Variants in CFAP221 observed in about 807,000 individuals in gnomAD.
CFAP221 encodes the protein cilia and flagella associated protein 221.
A neutral mutation model predicts 113.1 loss-of-function variants in CFAP221; 97 were observed. The ratio of observed to expected loss-of-function variants is 0.86; its 90% CI spans 0.73 to 1.02. CFAP221 has a LOEUF of 1.02. Ranked by LOEUF, CFAP221 falls within the 50% of genes least tolerant of loss-of-function variation. The pLI is 0.00. For synonymous variants in CFAP221, 331 were observed against 354.4 expected, an observed-to-expected ratio of 0.93 and a Z score of 0.74; for missense variants, 1,025 against 1,013.4, an observed-to-expected ratio of 1.01 and a Z score of -0.16.
chr2:119,638,829 T>C (rs756407876), intron 20 of CFAP221, among the ~76,000 whole-genome samples: 9 of 151,406 alleles, frequency 5.9e-5, no homozygotes, highest in Non-Finnish European at 8.8e-5. Context: ...AGGAATTACT[T>C]CCCCCCCAGG....
intron 8 of CFAP221, chr2:119,602,626 G>A (rs1684444966): frequency 2.0e-6 from 2 of 985,146 alleles, no homozygotes; most frequent in Admixed American, 6.2e-5. Context: ...AGCAGCCTAA[G>A]TCAACTGTAG....
chr2:119,632,512 A>G (rs778668031), intron 19 of CFAP221, among the ~76,000 whole-genome samples: 25 of 152,294 alleles, frequency 1.6e-4, no homozygotes, highest in South Asian at 4.2e-4. Flanking sequence ...ATCTATTTAA[A>G]ACCTAGAGCC....
At chr2:119,637,291 C>T (rs1224147344) in intron 19 of CFAP221, among the ~76,000 whole-genome samples, 1 of 152,200 alleles carries the variant, frequency 6.6e-6, no homozygotes, top group Non-Finnish European at 1.5e-5. Flanking sequence ...GGCATAGCAG[C>T]CTCTGCACCA....
intron 2 of CFAP221, 91 bp downstream of exon 2, chr2:119,546,361 T>G: frequency 7.5e-7 from 1 of 1,340,820 alleles, no homozygotes; most frequent in South Asian, 1.5e-5. Flanking sequence ...TTAGTGCTGA[T>G]TTATCTATAT....
chr2:119,606,568 A>G (rs984705085), intron 11 of CFAP221, among the ~76,000 whole-genome samples: 44 of 152,150 alleles, frequency 2.9e-4, no homozygotes, highest in African/African-American at 8.9e-4. Flanking sequence ...ATGTTTATAA[A>G]CACCTTTTCC....
intron 8 of CFAP221, chr2:119,602,830 T>C (rs1684458406): frequency 1.0e-6 from 1 of 957,714 alleles, no homozygotes; most frequent in Non-Finnish European, 1.2e-6. Flanking sequence ...CTTAAAGACA[T>C]AACATGAGTG....
intron 6 of CFAP221, among the ~76,000 whole-genome samples, chr2:119,570,392 A>G (rs1681958838): frequency 6.6e-6 from 1 of 152,222 alleles, no homozygotes; most frequent in South Asian, 2.1e-4. Flanking sequence ...TTCAGGTATA[A>G]TTCACATATG....
chr2:119,635,851 A>G (rs1455826830), intron 19 of CFAP221, among the ~76,000 whole-genome samples: 1 of 152,162 alleles, frequency 6.6e-6, no homozygotes, highest in Non-Finnish European at 1.5e-5. Flanking sequence ...AGAGGTGTCT[A>G]GGAAAGGGTA....
At chr2:119,597,810 A>G (rs921930737) in intron 7 of CFAP221, among the ~76,000 whole-genome samples, 2 of 152,176 alleles carry the variant, frequency 1.3e-5, no homozygotes, top group Admixed American at 1.3e-4. Flanking sequence ...GTGACCCCCA[A>G]TCAGAGGCTG....
chr2:119,612,142 A>G (rs990105647), intron 13 of CFAP221, among the ~76,000 whole-genome samples: 7 of 152,226 alleles, frequency 4.6e-5, no homozygotes, highest in South Asian at 2.1e-4. Context: ...TTACAACTCT[A>G]TGACAGATTT....
Position 119,604,762 on chromosome 2 carries a change from G to A in CFAP221, c.882G>A (p.Pro294=), listed in dbSNP as rs199787472. Residue 294 remains proline (P), a synonymous_variant, in exon 9 of 24, where the codon CCG becomes CCA. Transcript: ENST00000413369. Reference sequence around the variant, plus strand: ...TGATGCATATAAATTTTCACCGACCGCCAGCGAAGCCGAAGCCTCAGAAGG... The same window carrying A: ...TGATGCATATAAATTTTCACCGACCACCAGCGAAGCCGAAGCCTCAGAAGG... ...KAMMHINFHR[P]PAKPKPQKVK... 6.0e-5 allele frequency: 92 copies of A among 1,541,986 alleles called. No individual in the cohort carries two copies. The highest frequency in any genetic ancestry group is 1.1e-4 in the Admixed American group (5 of 44,550).
At chr2:119,646,187 G>A (rs999567751) in intron 21 of CFAP221, among the ~76,000 whole-genome samples, 1 of 152,200 alleles carries the variant, frequency 6.6e-6, no homozygotes, top group Non-Finnish European at 1.5e-5. Context: ...CTAAGAAGGA[G>A]TATAAAGGTG....
intron 11 of CFAP221, among the ~76,000 whole-genome samples, chr2:119,605,507 A>T (rs1684675820): frequency 6.6e-6 from 1 of 152,226 alleles, no homozygotes; most frequent in Admixed American, 6.5e-5. Context: ...CAGTGGCAGG[A>T]CCAGAGTGAA....
intron 6 of CFAP221, among the ~76,000 whole-genome samples, chr2:119,585,939 C>T (rs1683192577): frequency 6.6e-6 from 1 of 152,102 alleles, no homozygotes; most frequent in Admixed American, 6.5e-5. Context: ...TGGGTCCTGC[C>T]CAGAAGGTAG....
chr2:119,644,706 AACAT>A (rs779621327), intron 21 of CFAP221, among the ~76,000 whole-genome samples: 1 of 152,212 alleles, frequency 6.6e-6, no homozygotes, highest in Non-Finnish European at 1.5e-5. Flanking sequence ...AGATATATGC[AACAT>A]ACATATATAT....
At chr2:119,639,545 G>A (rs548707926) in intron 20 of CFAP221, among the ~76,000 whole-genome samples, 2 of 152,368 alleles carry the variant, frequency 1.3e-5, no homozygotes, top group Admixed American at 1.3e-4. Flanking sequence ...GCTTGTGCAA[G>A]TGCCTAATGA....
chr2:119,642,729 A>G (rs1295428902), intron 21 of CFAP221, among the ~76,000 whole-genome samples: 1 of 151,860 alleles, frequency 6.6e-6, no homozygotes. Context: ...TTGTAGAGAT[A>G]TGGTTTTGCT....
chr2:119,548,492 C>A (rs896716903), intron 2 of CFAP221, among the ~76,000 whole-genome samples: 1 of 152,134 alleles, frequency 6.6e-6, no homozygotes, highest in African/African-American at 2.4e-5. Flanking sequence ...TTTTGTAGAC[C>A]TGGACACTTT....
At chr2:119,652,577 A>G (rs1688191727) in intron 23 of CFAP221, among the ~76,000 whole-genome samples, 1 of 152,238 alleles carries the variant, frequency 6.6e-6, no homozygotes, top group Admixed American at 6.5e-5. Context: ...ACCAGAGCTC[A>G]GTAAATGTTC....
Sources: gnomAD v4.1 joint callset for allele counts (sites outside exome capture counted in the v4.1 genomes callset) on GRCh38, gnomAD v4.1.1 for gene constraint, MANE v1.5 for transcripts, NCBI Gene and HGNC (gene_info 2026-07-23, HGNC 2026-07-21) for gene names.